Variants in METTL6 observed in about 807,000 individuals in gnomAD.
METTL6 encodes tRNA N(3)-cytidine methyltransferase METTL6.
Under a neutral mutation model 26.4 loss-of-function variants are expected in METTL6, and 22 were observed. The observed-to-expected ratio is 0.83, with a 90% CI of 0.59 to 1.19. The LOEUF (loss-of-function observed/expected upper bound fraction) is 1.19. METTL6 is among the 50% of genes most tolerant of loss of function. The pLI is 0.00. For synonymous variants in METTL6, 109 were observed against 116.2 expected, an observed-to-expected ratio of 0.94 and a Z score of 0.40; for missense variants, 304 against 324.8, an observed-to-expected ratio of 0.94 and a Z score of 0.49.
intron 3 of METTL6, among the ~76,000 whole-genome samples, chr3:15,419,948 G>A (rs886459015): frequency 6.8e-6 from 1 of 147,590 alleles, no homozygotes; most frequent in Non-Finnish European, 1.5e-5. Flanking sequence ...TGCAAGCTCC[G>A]CCTCCCAGGT....
chr3:15,416,646 C>T (rs1206434547), intron 3 of METTL6, among the ~76,000 whole-genome samples: 1 of 152,126 alleles, frequency 6.6e-6, no homozygotes, highest in Non-Finnish European at 1.5e-5. Flanking sequence ...TGAGATGCTC[C>T]CGCAGTTCTT....
chr3:15,390,518 T>C (rs1699315606), intron 6 of METTL6, among the ~76,000 whole-genome samples: 1 of 152,212 alleles, frequency 6.6e-6, no homozygotes, highest in African/African-American at 2.4e-5. Flanking sequence ...CTCCTTGCAG[T>C]ACTTGCAACT....
intron 3 of METTL6, among the ~76,000 whole-genome samples, chr3:15,418,746 A>G (rs138228471): frequency 1.1e-4 from 16 of 152,240 alleles, no homozygotes; most frequent in Non-Finnish European, 2.4e-4. Context: ...AAATCCTAGG[A>G]ATAGCTGGGC....
chr3:15,423,939 G>A (rs994253901), intron 3 of METTL6, among the ~76,000 whole-genome samples: 1 of 151,944 alleles, frequency 6.6e-6, no homozygotes, highest in African/African-American at 2.4e-5. Context: ...AGGTACAGTG[G>A]CTCATACCTG....
At chr3:15,399,464 C>T (rs1383879989) in intron 6 of METTL6, 2 of 150,258 alleles carry the variant, frequency 1.3e-5, no homozygotes, top group African/African-American at 5.0e-5. Context: ...ACAATTGTGC[C>T]ACTGCACTCC....
At chr3:15,420,749 C>A (rs78328152) in intron 3 of METTL6, among the ~76,000 whole-genome samples, 21 of 152,178 alleles carry the variant, frequency 1.4e-4, no homozygotes, top group African/African-American at 4.8e-4. Flanking sequence ...ACCTAATACA[C>A]TGAGTACATT....
chr3:15,413,520 C>G (rs947427104), intron 5 of METTL6: 10 of 605,868 alleles, frequency 1.7e-5, no homozygotes, highest in Non-Finnish European at 2.2e-5. Context: ...TGCAGTGAGC[C>G]AAGATCACAC....
intron 6 of METTL6, among the ~76,000 whole-genome samples, chr3:15,391,651 C>T: frequency 8.5e-6 from 1 of 117,048 alleles, no homozygotes. Context: ...CTCCCCCCTC[C>T]CCCCACCCCA....
At chr3:15,405,669 A>G (rs1245906454), downstream of METTL6, among the ~76,000 whole-genome samples, 1 of 152,234 alleles carries the variant, frequency 6.6e-6, no homozygotes, top group South Asian at 2.1e-4. Context: ...GGACCCCAAG[A>G]TTAAACCTTC....
At chr3:15,398,829 C>T (rs866522326) in intron 6 of METTL6, among the ~76,000 whole-genome samples, 4 of 152,144 alleles carry the variant, frequency 2.6e-5, no homozygotes, top group Admixed American at 6.5e-5. Flanking sequence ...TGAACCACAG[C>T]GACTCCATCT....
chr3:15,415,008 C>T, intron 4 of METTL6: 1 of 1,098,318 alleles, frequency 9.1e-7, no homozygotes, highest in Non-Finnish European at 1.1e-6. Context: ...TTCACCATCT[C>T]CTAGTACTCA....
downstream of METTL6, among the ~76,000 whole-genome samples, chr3:15,408,903 A>G (rs1408562553): frequency 6.6e-6 from 1 of 152,114 alleles, no homozygotes; most frequent in Non-Finnish European, 1.5e-5. Context: ...CGGAGGGGGC[A>G]GTGGGCAGCA....
At chr3:15,417,452 AAAATAAAT>A (rs35596746) in intron 3 of METTL6, among the ~76,000 whole-genome samples, 3,569 of 142,694 alleles carry the variant, frequency 0.025, 129 homozygotes, top group African/African-American at 0.084. Context: ...CTCTGTCTCA[AAAATAAAT>A]AAATAAATAA....
chr3:15,418,531 T>C (rs938253453), intron 3 of METTL6, among the ~76,000 whole-genome samples: 2 of 151,992 alleles, frequency 1.3e-5, no homozygotes, highest in African/African-American at 4.8e-5. Context: ...ATAAACCCTA[T>C]AACAACAGCA....
intron 6 of METTL6, among the ~76,000 whole-genome samples, chr3:15,392,297 C>CAA (rs1384406521): frequency 2.0e-5 from 3 of 152,122 alleles, no homozygotes; most frequent in African/African-American, 7.2e-5. Flanking sequence ...TAAATGTCTT[C>CAA]TTTTGAGAAG....
At chr3:15,405,227 G>C (rs1575407074), downstream of METTL6, among the ~76,000 whole-genome samples, 1 of 152,272 alleles carries the variant, frequency 6.6e-6, no homozygotes, top group Non-Finnish European at 1.5e-5. Context: ...CAGTGTCCTG[G>C]GGGCCTTGCA....
At chr3:15,382,520 A>T (rs1699102180) in exon 7 of METTL6, 1 of 152,100 alleles carries the variant, frequency 6.6e-6, no homozygotes, top group Admixed American at 6.6e-5. Context: ...AAATAAAATT[A>T]GCCACACATG....
At chr3:15,403,426 G>A (rs1356228654) in intron 6 of METTL6, among the ~76,000 whole-genome samples, 5 of 152,120 alleles carry the variant, frequency 3.3e-5, no homozygotes, top group Admixed American at 1.3e-4. Context: ...AAGGAGCTAC[G>A]TGTCATGTTC....
At chr3:15,409,160 C>T (rs1001431696), downstream of METTL6, among the ~76,000 whole-genome samples, 7 of 152,184 alleles carry the variant, frequency 4.6e-5, no homozygotes, top group African/African-American at 1.7e-4. Flanking sequence ...GCCTGCCCCT[C>T]TTCTCTTCAG....
Sources: gnomAD v4.1 joint callset for allele counts (sites outside exome capture counted in the v4.1 genomes callset) on GRCh38, gnomAD v4.1.1 for gene constraint, MANE v1.5 for transcripts, NCBI Gene and HGNC (gene_info 2026-07-23, HGNC 2026-07-21) for gene names.